Variants in PHACTR2 observed in about 807,000 individuals in gnomAD.
PHACTR2 encodes phosphatase and actin regulator 2.
A neutral mutation model predicts 76.0 loss-of-function variants in PHACTR2; 30 were observed. The ratio of observed to expected loss-of-function variants is 0.39; its 90% CI spans 0.30 to 0.54. The LOEUF (loss-of-function observed/expected upper bound fraction) is 0.54. Ranked by LOEUF, PHACTR2 falls within the 20% of genes least tolerant of loss-of-function variation. The pLI, the probability that PHACTR2 is intolerant of heterozygous loss-of-function variation, is 0.61. For missense variants in PHACTR2, 696 were observed against 781.1 expected (o/e 0.89, Z 1.30); for synonymous variants, 292 against 292.5 (o/e 1.00, Z 0.02).
intron 1 of PHACTR2, among the ~76,000 whole-genome samples, chr6:143,620,445 GA>G (rs10709298): frequency 0.22 from 32,155 of 146,056 alleles, 4,418 homozygotes; most frequent in African/African-American, 0.4. Flanking sequence ...TTTTTTTTTG[GA>G]AAAAAAAAAT....
At chr6:143,630,733 G>A (rs981169574) in intron 1 of PHACTR2, among the ~76,000 whole-genome samples, 1 of 152,214 alleles carries the variant, frequency 6.6e-6, no homozygotes, top group African/African-American at 2.4e-5. Flanking sequence ...ATGGTACAAT[G>A]CCATTTATAC....
rs1368812691 is a variant in PHACTR2 at position 143,774,226 on chromosome 6, A to G, written c.1589+11A>G. ...AACCAAGTTAGTCAGGTAATTGCTAACATTTTAGGACAGTACTGACTAATT... is the reference window on the plus strand; with the variant it reads ...AACCAAGTTAGTCAGGTAATTGCTAGCATTTTAGGACAGTACTGACTAATT... On this transcript the variant is annotated intron_variant, in intron 8 of 12. Transcript: ENST00000440869. The surrounding 1 kb of genome is among the most constrained non-coding windows in gnomAD (Gnocchi z 5.4). The G allele has an allele frequency of 1.9e-6, 3 of 1,610,320 alleles. No homozygotes were observed. The highest frequency in any genetic ancestry group is 2.5e-6 in the Non-Finnish European group (3 of 1,176,652).
chr6:143,721,126 A>G (rs921882734), intron 2 of PHACTR2, among the ~76,000 whole-genome samples: 1 of 152,232 alleles, frequency 6.6e-6, no homozygotes, highest in Admixed American at 6.5e-5. Flanking sequence ...GTTCCAGTTT[A>G]GAATGGCGCA....
intron 1 of PHACTR2, among the ~76,000 whole-genome samples, chr6:143,643,097 T>C (rs964512598): frequency 6.6e-6 from 1 of 152,244 alleles, no homozygotes; most frequent in Admixed American, 6.5e-5. Context: ...AAAAAGATTT[T>C]ATAGTGCATA....
At chr6:143,813,601 G>C (rs1776230237) in intron 12 of PHACTR2, among the ~76,000 whole-genome samples, 1 of 124,620 alleles carries the variant, frequency 8.0e-6, no homozygotes, top group Non-Finnish European at 1.6e-5. Context: ...CTGGGCAACA[G>C]AGCGAGACTC....
chr6:143,588,254 A>G (rs1775650157), intron 1 of PHACTR2, among the ~76,000 whole-genome samples: 1 of 152,202 alleles, frequency 6.6e-6, no homozygotes, highest in South Asian at 2.1e-4. Flanking sequence ...TATGTTGTCA[A>G]TAGAAATATA....
chr6:143,773,987 T>C, intron 7 of PHACTR2, 72 bp from the exon 8 acceptor site: 1 of 1,329,360 alleles, frequency 7.5e-7, no homozygotes, highest in Admixed American at 2.0e-5. Flanking sequence ...TTAAAGTCCA[T>C]GCCATGTGTA....
intron 2 of PHACTR2, among the ~76,000 whole-genome samples, chr6:143,741,868 C>T (rs1204356934): frequency 1.3e-5 from 2 of 151,916 alleles, no homozygotes; most frequent in Non-Finnish European, 1.5e-5. Flanking sequence ...TTGGGAGGCT[C>T]AGGCAGGCGG....
chr6:143,798,898 C>T (rs1775891457), intron 11 of PHACTR2, among the ~76,000 whole-genome samples: 2 of 152,200 alleles, frequency 1.3e-5, no homozygotes, highest in Non-Finnish European at 2.9e-5. Context: ...ATGCTGGCCT[C>T]ATAAAATGAG....
rs572898362 is a variant in PHACTR2 at position 143,631,781 on chromosome 6, G to A, written c.13+23459G>A. On this transcript the variant is annotated intron_variant, in intron 1 of 11. Transcript: ENST00000305766. ...CAATTTTAGAAATGTTGAGCTTCTC[G>A]TAAAGTGGACACACTCTAGAAAACA... 1.4e-4 allele frequency among the ~76,000 whole-genome samples: 22 copies of A among 152,152 alleles called. No homozygotes were observed. In the South Asian group the frequency reaches 4.3e-3, roughly 30 times the overall value.
At chr6:143,620,859 C>T (rs1457611532) in intron 1 of PHACTR2, among the ~76,000 whole-genome samples, 1 of 152,236 alleles carries the variant, frequency 6.6e-6, no homozygotes. Context: ...AAGGCTGTCT[C>T]ACTGGAGGAC....
intron 1 of PHACTR2, among the ~76,000 whole-genome samples, chr6:143,704,341 A>G (rs2128459223): frequency 6.6e-6 from 1 of 152,310 alleles, no homozygotes. Flanking sequence ...AAGTATTAGT[A>G]AAGGGAGAAT....
At chr6:143,770,925 C>CTTT (rs72471881) in intron 6 of PHACTR2, among the ~76,000 whole-genome samples, 10 of 119,136 alleles carry the variant, frequency 8.4e-5, no homozygotes, top group Non-Finnish European at 1.1e-4. Context: ...TTCTTTCTTT[C>CTTT]TTTTTTTTTT....
intron 6 of PHACTR2, among the ~76,000 whole-genome samples, chr6:143,771,648 G>T (rs1336989082): frequency 6.6e-6 from 1 of 152,012 alleles, no homozygotes; most frequent in African/African-American, 2.4e-5. Flanking sequence ...TGTTGCCCAG[G>T]CTGGTCTTGA....
intron 1 of PHACTR2, among the ~76,000 whole-genome samples, chr6:143,568,087 C>A (rs1378570722): frequency 6.6e-6 from 1 of 152,080 alleles, no homozygotes; most frequent in East Asian, 1.9e-4. Flanking sequence ...ACATATTTTC[C>A]TTTACCTTGA....
In PHACTR2 at chr6:143,777,278, A is replaced by C. The variant is rs762170652; in HGVS notation, c.1590-50A>C. 11 of 956,668 alleles carry C rather than the reference A, an allele frequency of 1.1e-5. No homozygotes were observed. The African/African-American group carries it at 1.5e-4, about 13-fold the overall frequency. The allele number at this position is 956,668 out of a possible 1,614,324, so 59.3% of individuals were successfully genotyped here. A position where few individuals can be genotyped will look rare whatever the true frequency, so the allele number is the denominator to read the frequency against. ...TTTGTTGTTTTATTCTGAGTCTCCTACTAGGGTACCTTGTTTTTAACCTGT... is the reference window on the plus strand; with the variant it reads ...TTTGTTGTTTTATTCTGAGTCTCCTCCTAGGGTACCTTGTTTTTAACCTGT... On this transcript the variant is annotated intron_variant, in intron 8 of 12. Coordinates refer to ENST00000440869, the MANE Select transcript of PHACTR2 (RefSeq NM_001100164.2). This position sits in a 1 kb window ranked among gnomAD's most constrained non-coding sequence, Gnocchi z 4.6.
At chr6:143,552,294 A>G (rs1020780040) in intron 1 of PHACTR2, among the ~76,000 whole-genome samples, 2 of 152,206 alleles carry the variant, frequency 1.3e-5, no homozygotes, top group African/African-American at 4.8e-5. Flanking sequence ...CTGAAAGGAC[A>G]TCTTCAGATT....
chr6:143,691,705 A>G (rs6570573), intron 1 of PHACTR2, among the ~76,000 whole-genome samples: 81,182 of 151,498 alleles, frequency 0.54, 22,304 homozygotes, highest in African/African-American at 0.69. Flanking sequence ...GTTGCTGCAT[A>G]CTAATTACTT....
intron 2 of PHACTR2, among the ~76,000 whole-genome samples, chr6:143,745,280 A>AAAG (rs1199946651): frequency 5.9e-5 from 9 of 152,200 alleles, no homozygotes; most frequent in Admixed American, 5.9e-4. Context: ...TTCTGCTCAC[A>AAAG]AACAACTGAC....
Sources: allele counts gnomAD v4.1 joint callset (sites outside exome capture counted in the v4.1 genomes callset), GRCh38; gene constraint gnomAD v4.1.1; non-coding constraint Gnocchi (gnomAD v3.1); transcripts MANE v1.5; gene names NCBI Gene and HGNC (gene_info 2026-07-23, HGNC 2026-07-21).